Variants in CCDC138 observed in about 807,000 individuals in gnomAD.
The protein encoded by CCDC138 is coiled-coil domain containing 138.
A neutral mutation model predicts 82.3 loss-of-function variants in CCDC138; 66 were observed. The ratio of observed to expected loss-of-function variants is 0.80; its 90% CI spans 0.66 to 0.98. The LOEUF is 0.98. CCDC138 is among the 50% of genes least tolerant of loss of function. CCDC138 has a pLI of 0.00. For synonymous variants in CCDC138, 297 were observed against 265.4 expected (o/e 1.12, Z -1.16); for missense variants, 816 against 758.9 (o/e 1.08, Z -0.88).
In CCDC138 at chr2:108,790,022, A is replaced by G. The variant is rs143901273; in HGVS notation, c.266+1056A>G. Among the ~76,000 whole-genome samples, 44 of 152,352 alleles carry G rather than the reference A, an allele frequency of 2.9e-4. No individual in the cohort carries two copies. The Middle Eastern group carries it at 0.01, about 35-fold the overall frequency. On this transcript the variant is annotated intron_variant, in intron 3 of 14. Coordinates refer to ENST00000295124, the MANE Select transcript of CCDC138 (RefSeq NM_144978.3). The stretch of plus-strand genomic sequence containing the variant: ...TATGCCTAAAGTATCTGTATGTTAC[A>G]TAATTAGTATTTGGGAGCTTGACTT...
rs376412620 is a variant in CCDC138, at chr2:108,803,247, A to G, written c.736-1642A>G. On this transcript the variant is annotated intron_variant, in intron 6 of 14. Coordinates refer to ENST00000295124, the MANE Select transcript of CCDC138 (RefSeq NM_144978.3). ...GTCCTGTGCCCGCCTGAGCGGCTCA[A>G]AGTTGAGCCCAATTTGTACAGGTTC... 4.6e-5 allele frequency among the ~76,000 whole-genome samples: 7 copies of G among 152,142 alleles called. No individual in the cohort carries two copies. The East Asian group carries it at 1.4e-3, about 29-fold the overall frequency.
chr2:108,855,225 T>A (rs558280201), intron 12 of CCDC138, among the ~76,000 whole-genome samples: 1 of 152,238 alleles, frequency 6.6e-6, no homozygotes, highest in Non-Finnish European at 1.5e-5. Flanking sequence ...AAAGATAAGG[T>A]CACTTGTGAA....
intron 13 of CCDC138, among the ~76,000 whole-genome samples, chr2:108,871,447 G>T (rs1168919211): frequency 6.6e-6 from 1 of 151,772 alleles, no homozygotes; most frequent in Non-Finnish European, 1.5e-5. Flanking sequence ...CAGTTACTCG[G>T]GAGGCAAGGC....
At chr2:108,860,935 CTTTTTTTT>C (rs70956282) in intron 13 of CCDC138, among the ~76,000 whole-genome samples, 5 of 37,916 alleles carry the variant, frequency 1.3e-4, no homozygotes, top group African/African-American at 3.2e-4. Context: ...TGGTCCAGGA[CTTTTTTTT>C]TTTTTTTTTT....
chr2:108,811,383 T>G (rs1421349061), intron 7 of CCDC138, among the ~76,000 whole-genome samples: 2 of 151,746 alleles, frequency 1.3e-5, no homozygotes, highest in African/African-American at 4.8e-5. Context: ...TAGCTGGGAC[T>G]GCAGGCATGC....
intron 13 of CCDC138, among the ~76,000 whole-genome samples, chr2:108,869,748 G>A (rs1350958972): frequency 6.6e-6 from 1 of 152,108 alleles, no homozygotes; most frequent in Non-Finnish European, 1.5e-5. Flanking sequence ...GACAAGACCT[G>A]AGATGACCTT....
In CCDC138 at chr2:108,843,889, T is replaced by TTC. The variant is rs1689987625; in HGVS notation, c.1324-2848_1324-2847insCT. 2.5e-5 allele frequency among the ~76,000 whole-genome samples: 3 copies of TTC among 122,142 alleles called. No homozygotes were observed. The South Asian group carries it at 9.7e-4, about 39-fold the overall frequency. 80.1% of individuals were successfully genotyped at this position (122,142 alleles called of 152,430 possible). On this transcript the variant is annotated intron_variant, in intron 11 of 14. Coordinates refer to ENST00000295124, the MANE Select transcript of CCDC138 (RefSeq NM_144978.3). ...GTGTGTGTGTGTGTGTTTCTTTCTT[T>TTC]TTTTTTTTTTTTTTTTTTTGAGACA...
intron 12 of CCDC138, among the ~76,000 whole-genome samples, chr2:108,850,828 A>G (rs1284859100): frequency 1.3e-5 from 2 of 151,826 alleles, no homozygotes; most frequent in South Asian, 4.2e-4. Context: ...CCACATGACA[A>G]TAATCATCCA....
At chr2:108,885,283 T>G (rs1696394812) in exon 3 of CCDC138, 1 of 152,220 alleles carries the variant, frequency 6.6e-6, no homozygotes, top group African/African-American at 2.4e-5. Flanking sequence ...CACTTTGTTT[T>G]CCTCTCATAT....
chr2:108,852,571 A>C (rs566561286), intron 12 of CCDC138, among the ~76,000 whole-genome samples: 2 of 152,238 alleles, frequency 1.3e-5, no homozygotes, highest in Non-Finnish European at 2.9e-5. Context: ...CTATGCAGCC[A>C]TTAAAAAGAA....
intron 6 of CCDC138, among the ~76,000 whole-genome samples, chr2:108,800,476 G>A (rs1318129937): frequency 6.6e-6 from 1 of 152,024 alleles, no homozygotes; most frequent in African/African-American, 2.4e-5. Context: ...TGTTGGTCAG[G>A]CTGGTCTTGA....
At chr2:108,872,828 C>T (rs1048676537) in intron 13 of CCDC138, among the ~76,000 whole-genome samples, 8 of 152,146 alleles carry the variant, frequency 5.3e-5, no homozygotes, top group Non-Finnish European at 1.2e-4. Flanking sequence ...CTGCAGGCCC[C>T]CCACATCTCA....
intron 7 of CCDC138, among the ~76,000 whole-genome samples, chr2:108,812,380 T>C (rs1574023916): frequency 6.6e-6 from 1 of 152,198 alleles, no homozygotes; most frequent in Admixed American, 6.5e-5. Flanking sequence ...CACTAAAATA[T>C]ATGTATATGC....
intron 11 of CCDC138, among the ~76,000 whole-genome samples, chr2:108,844,826 C>A (rs1384493317): frequency 4.0e-5 from 6 of 151,004 alleles, no homozygotes; most frequent in Admixed American, 4.0e-4. Context: ...CGGCTCACTG[C>A]AACCTCCGAC....
chr2:108,844,658 A>T (rs756364101), intron 11 of CCDC138, among the ~76,000 whole-genome samples: 9 of 152,114 alleles, frequency 5.9e-5, no homozygotes, highest in Non-Finnish European at 1.0e-4. Flanking sequence ...AAAAGTTTTA[A>T]CATCCTTAGG....
intron 6 of CCDC138, among the ~76,000 whole-genome samples, chr2:108,799,438 C>A (rs1228586213): frequency 6.6e-6 from 1 of 152,184 alleles, no homozygotes; most frequent in Non-Finnish European, 1.5e-5. Flanking sequence ...AGTTCCCTTA[C>A]GCTCTCTTGT....
intron 2 of CCDC138, chr2:108,884,537 C>T (rs187103908): frequency 7.9e-5 from 12 of 152,278 alleles, no homozygotes; most frequent in Admixed American, 4.6e-4. Context: ...GAGAAGAGAT[C>T]TTTGTTTTGT....
intron 10 of CCDC138, among the ~76,000 whole-genome samples, chr2:108,826,569 G>A (rs1302343319): frequency 6.6e-6 from 1 of 152,148 alleles, no homozygotes; most frequent in African/African-American, 2.4e-5. Flanking sequence ...GTGTAAATAA[G>A]AGGGTCCATA....
intron 7 of CCDC138, among the ~76,000 whole-genome samples, chr2:108,807,409 TTATG>T (rs1365251913): frequency 4.6e-5 from 7 of 152,184 alleles, no homozygotes; most frequent in Non-Finnish European, 8.8e-5. Context: ...TTATGCATAA[TTATG>T]GGGTACAGTG....
Sources: allele counts gnomAD v4.1 joint callset (sites outside exome capture counted in the v4.1 genomes callset), GRCh38; gene constraint gnomAD v4.1.1; transcripts MANE v1.5; gene names NCBI Gene and HGNC (gene_info 2026-07-23, HGNC 2026-07-21).